The following GALNT13 variants were observed in gnomAD, a reference collection of about 807,000 sequenced individuals.
GALNT13 encodes the protein UDP-GalNAc:polypeptide N-acetylgalactosaminyltransferase 13.
GALNT13 carries 28 observed loss-of-function variants against 64.2 expected under a neutral mutation model. That is an observed-to-expected ratio of 0.44 (90% CI 0.32 to 0.60). GALNT13 has a LOEUF of 0.60. Ranked by LOEUF, GALNT13 falls within the 20% of genes least tolerant of loss-of-function variation. The pLI, the probability that GALNT13 is intolerant of heterozygous loss-of-function variation, is 0.05. For synonymous variants in GALNT13, 214 were observed against 224.6 expected (o/e 0.95, Z 0.42); for missense variants, 577 against 669.8 (o/e 0.86, Z 1.53).
Position 154,395,976 on chromosome 2 carries a change from T to C in GALNT13, c.1157-15T>C. 6.3e-7 allele frequency: 1 copy of C among 1,578,074 alleles called. No individual in the cohort carries two copies. Among genetic ancestry groups the C allele is most frequent in the Non-Finnish European group, 8.6e-7 (1 of 1,164,934 alleles). Reference sequence around the variant, plus strand: ...AATAGCACAAACTGATTTGTGTTTCTCTGAAAAATTCCAGGTGTTGTCAAA... The same window carrying C: ...AATAGCACAAACTGATTTGTGTTTCCCTGAAAAATTCCAGGTGTTGTCAAA... On this transcript the variant is annotated splice_polypyrimidine_tract_variant and intron_variant, in intron 9 of 12. Transcript: ENST00000392825.
Position 154,365,935 on chromosome 2 carries a change from G to A in GALNT13, c.1157-30056G>A, listed in dbSNP as rs148603047. Among the ~76,000 whole-genome samples, 740 of 152,154 alleles carry A rather than the reference G, an allele frequency of 4.9e-3. 4 individuals carry two copies. The highest frequency in any genetic ancestry group is 0.017 in the African/African-American group (699 of 41,520). ...GCCTGGTGAAGAGACCTAGACCTCT[G>A]GCCATTAGTGTGAAGTCAATGCTAT... On this transcript the variant is annotated intron_variant, in intron 9 of 12. Coordinates refer to ENST00000392825, the MANE Select transcript of GALNT13 (RefSeq NM_052917.4).
At chr2:153,650,561 G>A in the GALNT13 span, among the ~76,000 whole-genome samples, 2 of 152,162 alleles carry the variant, frequency 1.3e-5, no homozygotes, top group African/African-American at 4.8e-5. Flanking sequence ...TCCTAGCACT[G>A]ATGGTCTTTA....
At chr2:154,241,274 A>C (rs1311015856) in intron 4 of GALNT13, among the ~76,000 whole-genome samples, 1 of 152,126 alleles carries the variant, frequency 6.6e-6, no homozygotes, top group Non-Finnish European at 1.5e-5. Flanking sequence ...GTCCTCACCC[A>C]GGGTCTGTAG....
chr2:154,023,661 G>A (rs1377905018), intron 3 of GALNT13, among the ~76,000 whole-genome samples: 1 of 152,138 alleles, frequency 6.6e-6, no homozygotes, highest in Non-Finnish European at 1.5e-5. Flanking sequence ...TTGCCAGTCT[G>A]TGTCTTTTAA....
At chr2:154,228,354 G>T (rs1034507556) in intron 4 of GALNT13, among the ~76,000 whole-genome samples, 6 of 152,080 alleles carry the variant, frequency 3.9e-5, no homozygotes, top group Non-Finnish European at 8.8e-5. Context: ...CTGAGCTCTA[G>T]TTCCCACGTT....
intron 9 of GALNT13, among the ~76,000 whole-genome samples, chr2:154,304,052 A>C (rs1693599568): frequency 6.6e-6 from 1 of 152,126 alleles, no homozygotes; most frequent in Non-Finnish European, 1.5e-5. Flanking sequence ...CCGCGCCCGC[A>C]AAAACTTTTT....
intron 11 of GALNT13, among the ~76,000 whole-genome samples, chr2:154,426,040 C>T (rs1286954811): frequency 1.3e-5 from 2 of 152,150 alleles, no homozygotes; most frequent in Non-Finnish European, 2.9e-5. Flanking sequence ...AAGAGGAATT[C>T]AGGCACAATG....
At chr2:153,585,304 A>G in the GALNT13 span, among the ~76,000 whole-genome samples, 1 of 148,256 alleles carries the variant, frequency 6.7e-6, no homozygotes, top group Non-Finnish European at 1.5e-5. Flanking sequence ...AAGCCTCAAC[A>G]ACGGATTTGA....
chr2:153,535,104 A>C, the GALNT13 span, among the ~76,000 whole-genome samples: 2 of 152,072 alleles, frequency 1.3e-5, no homozygotes, highest in South Asian at 4.2e-4. Flanking sequence ...GGGAACCTAG[A>C]GTGGGAGAGA....
the GALNT13 span, among the ~76,000 whole-genome samples, chr2:153,470,875 G>C: frequency 6.6e-6 from 1 of 152,100 alleles, no homozygotes; most frequent in South Asian, 2.1e-4. Context: ...TTCAGTCCTT[G>C]AAAATTCACA....
At chr2:153,896,619 G>A (rs1412996826) in intron 1 of GALNT13, among the ~76,000 whole-genome samples, 1 of 151,752 alleles carries the variant, frequency 6.6e-6, no homozygotes, top group African/African-American at 2.4e-5. Flanking sequence ...GGGTATGTGT[G>A]CAGATTTGTT....
the GALNT13 span, among the ~76,000 whole-genome samples, chr2:153,641,648 A>G: frequency 6.6e-6 from 1 of 152,108 alleles, no homozygotes; most frequent in Admixed American, 6.6e-5. Flanking sequence ...GTCTCAGAGC[A>G]GCACTGTTAA....
rs1286459829 is a variant in GALNT13 at position 154,170,349 on chromosome 2, C to G, written c.311+29844C>G. On this transcript the variant is annotated intron_variant, in intron 4 of 12. Transcript: ENST00000392825. Reference sequence around the variant, plus strand: ...CCAGCTATTTGAGTTTACCTTAATTCAGTCAAGTTGACACATAAAATTAAC... The same window carrying G: ...CCAGCTATTTGAGTTTACCTTAATTGAGTCAAGTTGACACATAAAATTAAC... 2.0e-5 allele frequency among the ~76,000 whole-genome samples: 3 copies of G among 152,112 alleles called. No homozygotes were observed. The East Asian group carries it at 5.8e-4, about 29-fold the overall frequency.
At chr2:154,415,347 C>CA (rs1380530516) in intron 11 of GALNT13, among the ~76,000 whole-genome samples, 3 of 151,704 alleles carry the variant, frequency 2.0e-5, no homozygotes, top group South Asian at 2.1e-4. Flanking sequence ...CTTTTAAAGG[C>CA]AAAAAAATGT....
At chr2:153,799,775 C>T in the GALNT13 span, among the ~76,000 whole-genome samples, 2 of 152,102 alleles carry the variant, frequency 1.3e-5, no homozygotes, top group African/African-American at 4.8e-5. Context: ...CCTCTAAGTG[C>T]TACCAGTCTT....
intron 8 of GALNT13, among the ~76,000 whole-genome samples, chr2:154,298,624 T>TTGTATATATAAATTATATATACAA (rs1693154295): frequency 4.1e-5 from 1 of 24,116 alleles, no homozygotes; most frequent in African/African-American, 1.4e-4. Flanking sequence ...TATATATACA[T>TTGTATATATAAATTATATATACAA]TGTATATATA....
chr2:154,403,228 G>A (rs1195108905), intron 10 of GALNT13, among the ~76,000 whole-genome samples: 3 of 152,040 alleles, frequency 2.0e-5, no homozygotes, highest in East Asian at 3.9e-4. Context: ...CGAGGCAGGC[G>A]GATCACTTGA....
intron 4 of GALNT13, among the ~76,000 whole-genome samples, chr2:154,211,657 AAAAGAAAAGAAAAG>A (rs1687780374): frequency 9.0e-6 from 1 of 110,710 alleles, no homozygotes; most frequent in South Asian, 2.9e-4. Context: ...AAAAAAAAAG[AAAAGAAAAGAAAAG>A]AAAGAAAAAG....
chr2:154,280,919 A>T (rs777385555), intron 8 of GALNT13, among the ~76,000 whole-genome samples: 8 of 152,204 alleles, frequency 5.3e-5, no homozygotes, highest in Non-Finnish European at 1.0e-4. Context: ...TCAAATTTAC[A>T]TCCACATACA....
Sources: gnomAD v4.1 joint callset for allele counts (sites outside exome capture counted in the v4.1 genomes callset) on GRCh38, gnomAD v4.1.1 for gene constraint, MANE v1.5 for transcripts, NCBI Gene and HGNC (gene_info 2026-07-23, HGNC 2026-07-21) for gene names.